NOMO3: variants seen among roughly 807,000 people sequenced by gnomAD.
The protein encoded by NOMO3 is NODAL modulator 3, also known as BOS complex subunit NOMO3.
In NOMO3, 15 loss-of-function variants were observed where a neutral mutation model predicts 69.9. That is an observed-to-expected ratio of 0.21 (90% CI 0.14 to 0.33). NOMO3 has a LOEUF of 0.33. NOMO3 is among the 10% of genes least tolerant of loss of function. NOMO3 has a pLI of 1.00. For missense variants in NOMO3, 218 were observed against 761.0 expected (o/e 0.29, Z 8.39); for synonymous variants, 89 against 301.9 (o/e 0.29, Z 7.31).
At chr16:16,268,383 A>G in intron 16 of NOMO3, among the ~76,000 whole-genome samples, 1 of 145,638 alleles carries the variant, frequency 6.9e-6, no homozygotes, top group Non-Finnish European at 1.5e-5. Context: ...CGGTTTCTTC[A>G]CCTCCTTCGC....
intron 15 of NOMO3, 73 bp downstream of exon 15, chr16:16,265,252 C>T (rs759843098): frequency 1.3e-5 from 21 of 1,588,236 alleles, no homozygotes; most frequent in African/African-American, 4.8e-5. Flanking sequence ...ACTAACATCC[C>T]AGGAATATTG....
In NOMO3 at chr16:16,235,279, G is replaced by A. The variant is rs549482649; in HGVS notation, c.166-1622G>A. Among the ~76,000 whole-genome samples, 148 of 150,910 alleles carry A rather than the reference G, an allele frequency of 9.8e-4. 2 individuals carry two copies. The highest frequency in any genetic ancestry group is 1.6e-3 in the Non-Finnish European group (110 of 68,008). ...CTGTTTCATAGCGGCTCGTGTCATG[G>A]TTTGTTTCATGGTCATAGAGCATTA... is the stretch of plus-strand genomic sequence containing the variant. On this transcript the variant is annotated intron_variant, in intron 1 of 30. Coordinates refer to ENST00000399336, the MANE Select transcript of NOMO3 (RefSeq NM_001004067.4).
chr16:16,265,678 T>A (rs1465529999), intron 15 of NOMO3, among the ~76,000 whole-genome samples: 20 of 34,950 alleles, frequency 5.7e-4, no homozygotes, highest in African/African-American at 2.2e-3. Flanking sequence ...ATATTTTTTT[T>A]TTTTTTTTTT....
rs892363693 is a variant in NOMO3 at position 16,274,223 on chromosome 16, T to C, written c.2356+148T>C. The C allele has an allele frequency of 1.4e-5, 14 of 1,020,136 alleles. No homozygotes were observed. In the Admixed American group the frequency reaches 2.9e-4, roughly 21 times the overall value. The allele number at this position is 1,020,136 out of a possible 1,614,324, so 63.2% of individuals were successfully genotyped here. ...CTGGCACACAGATGTTACTGTTGGT[T>C]GGATGGATGGATGGATGGATGGATG... On this transcript the variant is annotated intron_variant, in intron 20 of 30. Coordinates refer to ENST00000399336, the MANE Select transcript of NOMO3 (RefSeq NM_001004067.4).
intron 2 of NOMO3, 65 bp from the exon 3 acceptor site, chr16:16,239,781 CACTAA>C (rs2049360619): frequency 2.2e-6 from 1 of 464,994 alleles, no homozygotes; most frequent in Admixed American, 4.5e-5. Context: ...TAAATGATAA[CACTAA>C]ACTAAATTTA....
At chr16:16,263,279 T>A (rs2049580432) in intron 13 of NOMO3, 64 bp downstream of exon 13, 5 of 1,594,932 alleles carry the variant, frequency 3.1e-6, no homozygotes, top group Non-Finnish European at 4.2e-6. Context: ...GGAGTGGGAT[T>A]TGGGAAACTT....
intron 15 of NOMO3, 81 bp downstream of exon 15, chr16:16,265,260 T>C (rs529188496): frequency 6.3e-7 from 1 of 1,587,788 alleles, no homozygotes; most frequent in Non-Finnish European, 8.5e-7. Context: ...CCCAGGAATA[T>C]TGTAAACGTA....
chr16:16,254,969 C>T lies in NOMO3; in HGVS notation c.964-751C>T, dbSNP rs1194938435. Among the ~76,000 whole-genome samples, 7 of 143,726 alleles carry T rather than the reference C, an allele frequency of 4.9e-5. 2 individuals carry two copies. The East Asian group carries it at 1.1e-3, about 23-fold the overall frequency. The allele number at this position is 143,726 out of a possible 152,430, so 94.3% of individuals were successfully genotyped here. On this transcript the variant is annotated intron_variant, in intron 9 of 30. Transcript: ENST00000399336. ...ACAGAGTCTTGCTGCTTCACACAGG[C>T]TGGCACTATCTTGGCTCACTGCAAC...
Position 16,232,649 on chromosome 16 carries a change from G to C in NOMO3, c.-18G>C, listed in dbSNP as rs1209394454. 3.3e-6 allele frequency: 2 copies of C among 611,558 alleles called. No homozygotes were observed. Among genetic ancestry groups the C allele is most frequent in the Non-Finnish European group, 4.6e-6 (2 of 431,004 alleles). 37.9% of individuals were successfully genotyped at this position (611,558 alleles called of 1,614,324 possible). A position where few individuals can be genotyped will look rare whatever the true frequency, so the allele number is the denominator to read the frequency against. ...GACCCGGCTGCCGGCGGTGGGTCTA[G>C]CTGGGGGAGGTCGGGCCATGCTGGT... On this transcript the variant is annotated 5_prime_UTR_variant, in exon 1 of 31. Coordinates refer to ENST00000399336, the MANE Select transcript of NOMO3 (RefSeq NM_001004067.4).
At chr16:16,241,297 A>T in intron 3 of NOMO3, among the ~76,000 whole-genome samples, 1 of 142,674 alleles carries the variant, frequency 7.0e-6, no homozygotes, top group East Asian at 2.3e-4. Context: ...GGTTTCTTTC[A>T]CTCAACATTA....
chr16:16,234,109 T>G (rs570288010), intron 1 of NOMO3, among the ~76,000 whole-genome samples: 1 of 152,196 alleles, frequency 6.6e-6, no homozygotes. Flanking sequence ...AGGCATTGAA[T>G]GAATCTACCC....
At chr16:16,242,836 A>G (rs570306022) in intron 3 of NOMO3, among the ~76,000 whole-genome samples, 1 of 143,404 alleles carries the variant, frequency 7.0e-6, no homozygotes, top group South Asian at 2.3e-4. Context: ...CAGGAAATAA[A>G]ATTATTTGGT....
chr16:16,269,478 G>A (rs1206828042), intron 16 of NOMO3, among the ~76,000 whole-genome samples: 1 of 136,720 alleles, frequency 7.3e-6, no homozygotes, highest in Non-Finnish European at 1.5e-5. Flanking sequence ...GGCTTGTTGA[G>A]TGCAATGAAA....
At chr16:16,268,388 C>T (rs2049636202) in intron 16 of NOMO3, among the ~76,000 whole-genome samples, 1 of 146,010 alleles carries the variant, frequency 6.8e-6, no homozygotes, top group Non-Finnish European at 1.5e-5. Flanking sequence ...TCTTCACCTC[C>T]TTCGCCAACA....
Position 16,250,845 on chromosome 16 carries a change from TTTTAGC to T in NOMO3, c.583-80_583-75del, listed in dbSNP as rs1246569721. 85 of 871,472 alleles carry T rather than the reference TTTTAGC, an allele frequency of 9.8e-5. 2 individuals are homozygous for T. The highest frequency in any genetic ancestry group is 6.6e-4 in the Admixed American group (21 of 31,902). 54.0% of individuals were successfully genotyped at this position (871,472 alleles called of 1,614,324 possible). A position where few individuals can be genotyped will look rare whatever the true frequency, so the allele number is the denominator to read the frequency against. ...TATAGATTACGTTTCCCAGTTAATA[TTTTAGC>T]TTCAGCGTGTCCTCATGTTGTTAGG... On this transcript the variant is annotated intron_variant, in intron 6 of 30. Coordinates refer to ENST00000399336, the MANE Select transcript of NOMO3 (RefSeq NM_001004067.4).
rs1006247203 is a variant in NOMO3, at chr16:16,241,178, G to A, written c.301+1282G>A. Among the ~76,000 whole-genome samples, 22 of 144,606 alleles carry A rather than the reference G, an allele frequency of 1.5e-4. 3 individuals carry two copies. Among genetic ancestry groups the A allele is most frequent in the South Asian group, 4.4e-4 (2 of 4,550 alleles). The allele number at this position is 144,606 out of a possible 152,430, so 94.9% of individuals were successfully genotyped here. On this transcript the variant is annotated intron_variant, in intron 3 of 30. Coordinates refer to ENST00000399336, the MANE Select transcript of NOMO3 (RefSeq NM_001004067.4). The stretch of plus-strand genomic sequence containing the variant: ...ATCCTGGGTGCTCATTAGCCATCCC[G>A]CCCCACCCTCCAGGTGACCACCACC...
chr16:16,263,172 T>C lies in NOMO3; in HGVS notation c.1494T>C (p.Phe498=). The change falls in exon 13 of 31, where the codon TTT becomes TTC. Residue 498 remains phenylalanine, a synonymous_variant. Coordinates refer to ENST00000399336, the MANE Select transcript of NOMO3 (RefSeq NM_001004067.4). Reference sequence around the variant, plus strand: ...ACAGGCCTGTGATGGATGTGGCCTTTGTACAGTTCTTGGCATCAGTTTCTG... The same window carrying C: ...ACAGGCCTGTGATGGATGTGGCCTTCGTACAGTTCTTGGCATCAGTTTCTG... ...VTDRPVMDVA[F]VQFLASVSGK... is the part of the protein sequence containing the mutation. The C allele has an allele frequency of 6.3e-7, 1 of 1,592,396 alleles. No individual in the cohort carries two copies. The highest frequency in any genetic ancestry group is 8.5e-7 in the Non-Finnish European group (1 of 1,176,436).
Position 16,265,079 on chromosome 16 carries a change from A to G in NOMO3, c.1706A>G (p.Lys569Arg). ...IMHEDWCWKN[K>R]SLEVEVLEDD... ...CATGAGGATTGGTGCTGGAAGAACAAGAGCCTGGAGGTGGAAGTGCTGGAG... is the reference window on the plus strand; with the variant it reads ...CATGAGGATTGGTGCTGGAAGAACAGGAGCCTGGAGGTGGAAGTGCTGGAG... The change falls in exon 15 of 31, where the codon AAG becomes AGG. Residue 569 changes from lysine to arginine, a missense_variant. Transcript: ENST00000399336. 6.4e-7 allele frequency: 1 copy of G among 1,573,410 alleles called. No homozygotes were observed. Among genetic ancestry groups the G allele is most frequent in the South Asian group, 1.1e-5 (1 of 88,570 alleles).
chr16:16,234,460 C>CA (rs1174325307), intron 1 of NOMO3, among the ~76,000 whole-genome samples: 2 of 143,964 alleles, frequency 1.4e-5, no homozygotes, highest in Non-Finnish European at 3.0e-5. Flanking sequence ...CTCATTCTTT[C>CA]ATAAGTAATT....
Sources: gnomAD v4.1 joint callset for allele counts (sites outside exome capture counted in the v4.1 genomes callset) on GRCh38, gnomAD v4.1.1 for gene constraint, MANE v1.5 for transcripts, NCBI Gene and HGNC (gene_info 2026-07-23, HGNC 2026-07-21) for gene names.